FKBP15: variants seen among roughly 807,000 people sequenced by gnomAD.
FKBP15 encodes the protein FKBP prolyl isomerase family member 15, also known as FK506-binding protein 15.
In FKBP15, 106 loss-of-function variants were observed where a neutral mutation model predicts 158.1. That is an observed-to-expected ratio of 0.67 (90% confidence interval 0.57 to 0.79). The LOEUF (loss-of-function observed/expected upper bound fraction) is 0.79. Ranked by LOEUF, FKBP15 falls within the 30% of genes least tolerant of loss-of-function variation. The pLI is 0.00. For synonymous variants in FKBP15, 547 were observed against 548.6 expected (o/e 1.00, Z 0.04); for missense variants, 1,287 against 1,479.1 (o/e 0.87, Z 2.13).
intron 20 of FKBP15, among the ~76,000 whole-genome samples, chr9:113,178,251 T>C (rs1157175203): frequency 1.3e-5 from 2 of 151,696 alleles, no homozygotes; most frequent in East Asian, 1.9e-4. Context: ...GGCTGAAGAG[T>C]TGCAATCCAT....
chr9:113,183,923 G>T, intron 17 of FKBP15, 78 bp from the exon 18 acceptor site: 1 of 1,013,722 alleles, frequency 9.9e-7, no homozygotes, highest in South Asian at 1.4e-5. Flanking sequence ...AACTTGAACT[G>T]ACAGGTGACA....
chr9:113,176,576 T>C lies in FKBP15; in HGVS notation c.2184A>G (p.Glu728=). The C allele has an allele frequency of 6.4e-7, 1 of 1,568,524 alleles. No individual in the cohort carries two copies. Among genetic ancestry groups the C allele is most frequent in the South Asian group, 1.2e-5 (1 of 85,838 alleles). ...LELKVTSLEE[E]LTDLRVEKES... is the part of the protein sequence containing the mutation. Reference sequence around the variant, plus strand: ...CCTTCTCAACTCGAAGGTCAGTCAGTTCCTCCTCCAGGGATGTCACCTTGA... The same window carrying C: ...CCTTCTCAACTCGAAGGTCAGTCAGCTCCTCCTCCAGGGATGTCACCTTGA... Residue 728 remains glutamate (E), a synonymous_variant, in exon 21 of 28, where the codon GAA becomes GAG. Transcript: ENST00000238256.
In FKBP15 at chr9:113,191,610, C is replaced by A. The variant is rs564395328; in HGVS notation, c.1066-1032G>T. Reference sequence around the variant, plus strand: ...TTAAAATGAGGAAGCTCTCTATACACCAACATGAAAAGATTCTGCATTATA... The same window carrying A: ...TTAAAATGAGGAAGCTCTCTATACAACAACATGAAAAGATTCTGCATTATA... On this transcript the variant is annotated intron_variant, in intron 11 of 27. Coordinates refer to ENST00000238256, the MANE Select transcript of FKBP15 (RefSeq NM_015258.2). Among the ~76,000 whole-genome samples the A allele has an allele frequency of 6.0e-4, 90 of 148,964 alleles. 1 individual carries two copies. The highest frequency in any genetic ancestry group is 3.2e-3 in the South Asian group (15 of 4,754).
chr9:113,174,151 G>A (rs570870001), intron 22 of FKBP15, among the ~76,000 whole-genome samples: 4 of 152,098 alleles, frequency 2.6e-5, no homozygotes, highest in African/African-American at 7.2e-5. Context: ...GATGGTTTTG[G>A]CCTTACCATG....
chr9:113,220,124 A>G (rs1831220999), intron 1 of FKBP15, among the ~76,000 whole-genome samples: 1 of 152,350 alleles, frequency 6.6e-6, no homozygotes, highest in African/African-American at 2.4e-5. Context: ...TGTGGTTGCA[A>G]TAGAAACCAC....
Position 113,161,341 on chromosome 9 carries a change from G to A in FKBP15, c.*4737C>T, listed in dbSNP as rs768462922. On this transcript the variant is annotated 3_prime_UTR_variant, in exon 28 of 28. Transcript: ENST00000238256. ...TTCCTGATCTCAAAGCCACACTCCA[G>A]CTAAGAAAAGTCTGGTGAAGACAGT... 1.5e-6 allele frequency: 1 copy of A among 655,338 alleles called. No homozygotes were observed. The highest frequency in any genetic ancestry group is 2.6e-6 in the Non-Finnish European group (1 of 385,214). The allele number at this position is 655,338 out of a possible 1,614,324, so 40.6% of individuals were successfully genotyped here. A position where few individuals can be genotyped will look rare whatever the true frequency, so the allele number is the denominator to read the frequency against.
At position 113,221,205 on chromosome 9, in the gene FKBP15, G is replaced by A. The variant is rs747487937; in HGVS notation, c.39C>T (p.Leu13=). 26 of 1,610,206 alleles carry A rather than the reference G, an allele frequency of 1.6e-5. No homozygotes were observed. In the Middle Eastern group the frequency reaches 2.6e-3, roughly 163 times the overall value. ...CAGTCACTCACCCGCCGCTCGGCGA[G>A]AGGAAATCGGTGTCGTCCTCGTCCC... ...GAGDEDDTDF[L]SPSGGARLAS... The change falls in exon 1 of 28, where the codon CTC becomes CTT. Residue 13 remains leucine, a synonymous_variant. Coordinates refer to ENST00000238256, the MANE Select transcript of FKBP15 (RefSeq NM_015258.2).
intron 14 of FKBP15, chr9:113,187,569 C>G (rs1830506020): frequency 1.9e-6 from 1 of 537,538 alleles, no homozygotes; most frequent in African/African-American, 1.9e-5. Context: ...CTACGTTGTA[C>G]TAGGGGCTCT....
At chr9:113,204,115 T>C (rs1303777174) in intron 4 of FKBP15, among the ~76,000 whole-genome samples, 2 of 152,198 alleles carry the variant, frequency 1.3e-5, no homozygotes, top group African/African-American at 4.8e-5. Flanking sequence ...TTCACTCTTG[T>C]TGCCCAGGCT....
In FKBP15 at chr9:113,196,959, G is replaced by A. The variant is rs1356967578; in HGVS notation, c.837C>T (p.Ile279=). Residue 279 remains isoleucine (I), a synonymous_variant, in exon 9 of 28, where the codon ATC becomes ATT. Transcript: ENST00000238256. ...GCCTAACCTCCACCTCGAACACCAG[G>A]ATCGAGTCCGTTGCTTGAGTCCAGC... ...VIGWTQATDS[I]LVFEVEVRRV... is the part of the protein sequence containing the mutation. The A allele has an allele frequency of 6.2e-7, 1 of 1,613,900 alleles. No individual in the cohort carries two copies. Among genetic ancestry groups the A allele is most frequent in the Admixed American group, 1.7e-5 (1 of 60,020 alleles).
intron 2 of FKBP15, among the ~76,000 whole-genome samples, chr9:113,210,050 C>A (rs759802663): frequency 3.9e-5 from 6 of 152,218 alleles, no homozygotes; most frequent in Non-Finnish European, 7.3e-5. Flanking sequence ...CTCACCAAAA[C>A]ACTGGACAGT....
intron 11 of FKBP15, among the ~76,000 whole-genome samples, chr9:113,192,771 G>A (rs1200060878): frequency 6.6e-6 from 1 of 152,140 alleles, no homozygotes; most frequent in East Asian, 1.9e-4. Context: ...TTTGAGATAG[G>A]CAATATCTCC....
At chr9:113,191,182 C>CTT (rs34475285) in intron 11 of FKBP15, among the ~76,000 whole-genome samples, 10 of 146,632 alleles carry the variant, frequency 6.8e-5, no homozygotes, top group East Asian at 2.0e-4. Flanking sequence ...ATTATTATTA[C>CTT]TTTTTTTTTT....
In FKBP15 at chr9:113,178,784, C is replaced by G; in HGVS notation, c.1932G>C (p.Glu644Asp). 6.2e-7 allele frequency: 1 copy of G among 1,607,734 alleles called. No individual in the cohort carries two copies. ...AGACCTGTGCAGTGGCCGCTGCTAA[C>G]TCCTCTGTCACCTTGGCCTGAATAA... ...AEQEKAKVTE[E>D]LAAATAQVSH... is the part of the protein sequence containing the mutation. Residue 644 changes from glutamate to aspartate, a missense_variant, in exon 20 of 28, where the codon GAG becomes GAC. Physicochemically the swap from Glu to Asp is conservative, Grantham distance 45. Transcript: ENST00000238256.
At chr9:113,191,998 C>T (rs142202234) in intron 11 of FKBP15, among the ~76,000 whole-genome samples, 14 of 149,714 alleles carry the variant, frequency 9.4e-5, no homozygotes, top group Admixed American at 1.3e-4. Flanking sequence ...TTTCATGTAA[C>T]GTGAATTTTG....
At chr9:113,220,731 T>C (rs1831233652) in intron 1 of FKBP15, among the ~76,000 whole-genome samples, 1 of 152,102 alleles carries the variant, frequency 6.6e-6, no homozygotes, top group Non-Finnish European at 1.5e-5. Context: ...TCATTCTGCC[T>C]GAGGTTGCAG....
rs377543250 is a variant in FKBP15, at chr9:113,206,506, C to T, written c.324+3G>A. Reference sequence around the variant, plus strand: ...TATACATGAGATGTGGGAGCACTCTCACCTCTCTGGCTGTGTGGTTCCCCA... The same window carrying T: ...TATACATGAGATGTGGGAGCACTCTTACCTCTCTGGCTGTGTGGTTCCCCA... On this transcript the variant is annotated splice_donor_region_variant and intron_variant, in intron 4 of 27. Coordinates refer to ENST00000238256, the MANE Select transcript of FKBP15 (RefSeq NM_015258.2). The T allele has an allele frequency of 1.7e-5, 28 of 1,613,428 alleles. No individual in the cohort carries two copies. The highest frequency in any genetic ancestry group is 2.3e-5 in the Non-Finnish European group (27 of 1,179,518).
At chr9:113,219,839 A>C (rs1464040407) in intron 1 of FKBP15, among the ~76,000 whole-genome samples, 1 of 152,256 alleles carries the variant, frequency 6.6e-6, no homozygotes, top group Admixed American at 6.5e-5. Flanking sequence ...AAGGAACAAA[A>C]GCACAGCTTA....
At chr9:113,199,125 A>C (rs922754507) in intron 7 of FKBP15, among the ~76,000 whole-genome samples, 1 of 152,160 alleles carries the variant, frequency 6.6e-6, no homozygotes, top group Admixed American at 6.5e-5. Flanking sequence ...TGAAACAGTA[A>C]TTTTCCAGGT....
Sources: gnomAD v4.1 joint callset for allele counts (sites outside exome capture counted in the v4.1 genomes callset) on GRCh38, gnomAD v4.1.1 for gene constraint, MANE v1.5 for transcripts, NCBI Gene and HGNC (gene_info 2026-07-23, HGNC 2026-07-21) for gene names.